NR3C1: variants seen among roughly 807,000 people sequenced by gnomAD.
NR3C1 encodes glucocorticoid receptor.
NR3C1 carries 14 observed loss-of-function variants against 74.0 expected under a neutral mutation model. That is an observed-to-expected ratio of 0.19 (90% CI 0.12 to 0.30). NR3C1 has a LOEUF of 0.30. Ranked by LOEUF, NR3C1 falls within the 10% of genes least tolerant of loss-of-function variation. The pLI, the probability that NR3C1 is intolerant of heterozygous loss-of-function variation, is 1.00. For missense variants in NR3C1, 695 were observed against 909.8 expected (o/e 0.76, Z 3.04); for synonymous variants, 308 against 332.5 (o/e 0.93, Z 0.80).
intron 1 of NR3C1, among the ~76,000 whole-genome samples, chr5:143,420,697 C>T (rs1751181028): frequency 6.6e-6 from 1 of 152,114 alleles, no homozygotes; most frequent in African/African-American, 2.4e-5. Flanking sequence ...CAATGCATAG[C>T]ACAGCCCCCC....
chr5:143,423,862 A>G (rs1017406118), intron 1 of NR3C1, among the ~76,000 whole-genome samples: 2 of 150,664 alleles, frequency 1.3e-5, no homozygotes, highest in Non-Finnish European at 2.9e-5. Context: ...GCACAGAAAG[A>G]CAAATATCAC....
At chr5:143,411,577 T>C (rs1841294408) in intron 1 of NR3C1, among the ~76,000 whole-genome samples, 1 of 152,198 alleles carries the variant, frequency 6.6e-6, no homozygotes, top group African/African-American at 2.4e-5. Flanking sequence ...CGTGTTTGAA[T>C]TTTAGCTGTA....
chr5:143,312,741 C>T (rs532343956), intron 3 of NR3C1, among the ~76,000 whole-genome samples: 2 of 152,082 alleles, frequency 1.3e-5, no homozygotes, highest in South Asian at 2.1e-4. Context: ...AGGGACTGTC[C>T]GTATTATTAT....
intron 1 of NR3C1, among the ~76,000 whole-genome samples, chr5:143,422,404 G>C (rs1464506548): frequency 6.6e-6 from 1 of 152,158 alleles, no homozygotes; most frequent in Admixed American, 6.5e-5. Flanking sequence ...TTAACTCTCT[G>C]TTTCTCACTG....
chr5:143,336,659 C>G (rs578219101), intron 2 of NR3C1, among the ~76,000 whole-genome samples: 3 of 152,034 alleles, frequency 2.0e-5, no homozygotes. Flanking sequence ...AACCAAAGTG[C>G]TAGATAAAAA....
Position 143,300,833 on chromosome 5 carries a change from A to G in NR3C1, c.1469-70T>C. ...AGGTCTGCGCTACACAGTTTATTCAAGAAGTATTTTTACTTTCTAAAACTA... is the reference window on the plus strand; with the variant it reads ...AGGTCTGCGCTACACAGTTTATTCAGGAAGTATTTTTACTTTCTAAAACTA... On this transcript the variant is annotated intron_variant, in intron 4 of 8. Transcript: ENST00000394464. The surrounding 1 kb of genome is among the most constrained non-coding windows in gnomAD (Gnocchi z 5.2). The G allele has an allele frequency of 7.3e-7, 1 of 1,376,748 alleles. No individual in the cohort carries two copies. Among genetic ancestry groups the G allele is most frequent in the Non-Finnish European group, 1.0e-6 (1 of 992,672 alleles). 85.3% of individuals were successfully genotyped at this position (1,376,748 alleles called of 1,614,324 possible).
intron 2 of NR3C1, among the ~76,000 whole-genome samples, chr5:143,339,385 T>C (rs1272671756): frequency 6.6e-6 from 1 of 152,226 alleles, no homozygotes; most frequent in Non-Finnish European, 1.5e-5. Flanking sequence ...AATTCTCTTA[T>C]CTTCTCCCCT....
chr5:143,402,818 C>T, intron 1 of NR3C1: 5 of 985,442 alleles, frequency 5.1e-6, no homozygotes, highest in Non-Finnish European at 6.0e-6. Context: ...AAAATTCAGA[C>T]GCGGCTTAGC....
intron 2 of NR3C1, among the ~76,000 whole-genome samples, chr5:143,333,431 T>C (rs1260058262): frequency 6.6e-6 from 1 of 152,166 alleles, no homozygotes; most frequent in Non-Finnish European, 1.5e-5. Flanking sequence ...CATGGGGCTA[T>C]GCATAGCCTA....
At chr5:143,433,467 TA>T (rs1266215332) in intron 1 of NR3C1, among the ~76,000 whole-genome samples, 1 of 32,220 alleles carries the variant, frequency 3.1e-5, no homozygotes, top group East Asian at 1.1e-3. Flanking sequence ...TATATATATA[TA>T]TATTTAATTT....
chr5:143,286,772 C>T (rs1365537129), intron 7 of NR3C1, among the ~76,000 whole-genome samples: 6 of 151,562 alleles, frequency 4.0e-5, no homozygotes, highest in East Asian at 1.9e-4. Context: ...ACCTAACTGA[C>T]GTTCATAAAA....
At chr5:143,350,902 C>A (rs1165347365) in intron 2 of NR3C1, among the ~76,000 whole-genome samples, 2 of 152,146 alleles carry the variant, frequency 1.3e-5, no homozygotes, top group Non-Finnish European at 2.9e-5. Flanking sequence ...CAGTAGGTTA[C>A]TGGAAAGTGC....
chr5:143,360,568 G>A (rs921051204), intron 2 of NR3C1, among the ~76,000 whole-genome samples: 1 of 152,176 alleles, frequency 6.6e-6, no homozygotes, highest in African/African-American at 2.4e-5. Flanking sequence ...TTTGTTTGCT[G>A]ATTAACTTAA....
intron 2 of NR3C1, chr5:143,389,874 T>G (rs1837924467): frequency 1.1e-6 from 1 of 882,780 alleles, no homozygotes; most frequent in Non-Finnish European, 1.4e-6. Flanking sequence ...CAGTAAAACA[T>G]TACCTGCCAT....
chr5:143,403,421 C>T lies in NR3C1; in HGVS notation c.-224G>A, dbSNP rs968230484. ...ATTGCCCAGCTGACAAGCCAGCCCT[C>T]CGCCCCGCGCCGGGCTCCGCGGGTC... is the stretch of plus-strand genomic sequence containing the variant. On this transcript the variant is annotated 5_prime_UTR_variant, in exon 1 of 9. Coordinates refer to ENST00000394464, the MANE Select transcript of NR3C1 (RefSeq NM_000176.3). The T allele has an allele frequency of 3.0e-5, 29 of 975,132 alleles. No homozygotes were observed. The highest frequency in any genetic ancestry group is 3.4e-5 in the Non-Finnish European group (28 of 826,904). 60.4% of individuals were successfully genotyped at this position (975,132 alleles called of 1,614,324 possible).
At chr5:143,313,629 A>C (rs1022082706) in intron 3 of NR3C1, among the ~76,000 whole-genome samples, 5 of 151,920 alleles carry the variant, frequency 3.3e-5, no homozygotes, top group Non-Finnish European at 5.9e-5. Context: ...TTGCCAGGCC[A>C]GTAAAGTTGG....
At chr5:143,413,212 T>G (rs140875498) in intron 1 of NR3C1, among the ~76,000 whole-genome samples, 106 of 152,244 alleles carry the variant, frequency 7.0e-4, no homozygotes, top group Admixed American at 6.4e-3. Flanking sequence ...CTTCAAGAAG[T>G]CATCTGGTGT....
chr5:143,406,259 C>A (rs943053118), upstream of NR3C1, among the ~76,000 whole-genome samples: 3 of 151,966 alleles, frequency 2.0e-5, no homozygotes, highest in African/African-American at 7.3e-5. Context: ...CATACATGCT[C>A]AAATCCTTAG....
Position 143,310,231 on chromosome 5 carries a change from C to G in NR3C1, c.1352-18G>C, listed in dbSNP as rs371323920. The G allele has an allele frequency of 6.4e-7, 1 of 1,554,418 alleles. No individual in the cohort carries two copies. Among genetic ancestry groups the G allele is most frequent in the Non-Finnish European group, 8.9e-7 (1 of 1,127,638 alleles). On this transcript the variant is annotated intron_variant, in intron 3 of 8. Transcript: ENST00000394464. The stretch of plus-strand genomic sequence containing the variant: ...GTGCTGTCCTATATGGAATAAAAGG[C>G]ACTATTAAAGTTTCACAGGTCTTCA...
Sources: allele counts gnomAD v4.1 joint callset (sites outside exome capture counted in the v4.1 genomes callset), GRCh38; gene constraint gnomAD v4.1.1; non-coding constraint Gnocchi (gnomAD v3.1); transcripts MANE v1.5; gene names NCBI Gene and HGNC (gene_info 2026-07-23, HGNC 2026-07-21).